ADAMTS18: variants seen among roughly 807,000 people sequenced by gnomAD.
ADAMTS18 encodes the protein A disintegrin and metalloproteinase with thrombospondin motifs 18.
Under a neutral mutation model 165.9 loss-of-function variants are expected in ADAMTS18, and 157 were observed. That is an observed-to-expected ratio of 0.95 (90% confidence interval 0.83 to 1.08). The LOEUF is 1.08. Ranked by LOEUF, ADAMTS18 falls within the 50% of genes least tolerant of loss-of-function variation. ADAMTS18 has a pLI of 0.00. For missense variants in ADAMTS18, 2,040 were observed against 1,534.0 expected (o/e 1.33, Z -5.51); for synonymous variants, 782 against 578.2 (o/e 1.35, Z -5.06).
chr16:77,293,215 A>T lies in ADAMTS18; in HGVS notation c.3050T>A (p.Leu1017His), dbSNP rs2144571513. The change falls in exon 20 of 23, where the codon CTC becomes CAC. Residue 1017 changes from leucine to histidine, a missense_variant. Transcript: ENST00000282849. ...CGRGVRKREL[L>H]CKGSAAETLP... The stretch of plus-strand genomic sequence containing the variant: ...GGTTTCTGCGGCAGAGCCCTTGCAG[A>T]GGAGTTCACGCTTCCTCACCCCTCG... The T allele has an allele frequency of 1.2e-6, 2 of 1,613,986 alleles. No individual in the cohort carries two copies. The highest frequency in any genetic ancestry group is 1.7e-6 in the Non-Finnish European group (2 of 1,179,984).
At chr16:77,293,895 C>G (rs34031278) in intron 19 of ADAMTS18, among the ~76,000 whole-genome samples, 16,283 of 151,498 alleles carry the variant, frequency 0.11, 1,214 homozygotes, top group Admixed American at 0.22. Flanking sequence ...GCTGGGCAGC[C>G]CAGTTCCTTA....
intron 16 of ADAMTS18, among the ~76,000 whole-genome samples, chr16:77,307,687 G>C (rs1023768476): frequency 2.0e-5 from 3 of 152,194 alleles, no homozygotes; most frequent in Admixed American, 1.3e-4. Context: ...TCTATCATCT[G>C]TTCTGAATTA....
chr16:77,380,291 AT>A (rs1425853772), intron 3 of ADAMTS18, among the ~76,000 whole-genome samples: 2 of 152,244 alleles, frequency 1.3e-5, no homozygotes, highest in African/African-American at 2.4e-5. Flanking sequence ...GTCTGTACGG[AT>A]GTAAATGTCA....
At chr16:77,314,679 G>A (rs1219567014) in intron 16 of ADAMTS18, among the ~76,000 whole-genome samples, 2 of 130,844 alleles carry the variant, frequency 1.5e-5, no homozygotes, top group African/African-American at 5.8e-5. Flanking sequence ...ATATACATAC[G>A]ATTGATAGAT....
chr16:77,394,144 T>G (rs2057226502), intron 3 of ADAMTS18, among the ~76,000 whole-genome samples: 1 of 152,258 alleles, frequency 6.6e-6, no homozygotes, highest in South Asian at 2.1e-4. Flanking sequence ...AAATGCATCC[T>G]TAGCAGCCAT....
At chr16:77,376,398 G>T in intron 3 of ADAMTS18, among the ~76,000 whole-genome samples, 1 of 152,270 alleles carries the variant, frequency 6.6e-6, no homozygotes, top group African/African-American at 2.4e-5. Context: ...ATTTGGGTGG[G>T]GACACAAAGC....
chr16:77,363,726 T>C, intron 6 of ADAMTS18, 76 bp downstream of exon 6: 4 of 1,372,286 alleles, frequency 2.9e-6, no homozygotes, highest in Non-Finnish European at 4.2e-6. Context: ...CATGGATTAG[T>C]GAACACAGTA....
At chr16:77,413,264 C>T (rs1276192635) in intron 3 of ADAMTS18, among the ~76,000 whole-genome samples, 1 of 152,048 alleles carries the variant, frequency 6.6e-6, no homozygotes, top group African/African-American at 2.4e-5. Flanking sequence ...CTTTTTGGGC[C>T]TAAGGAAACC....
At chr16:77,407,937 G>C (rs1346019666) in intron 3 of ADAMTS18, among the ~76,000 whole-genome samples, 2 of 151,984 alleles carry the variant, frequency 1.3e-5, no homozygotes, top group Non-Finnish European at 2.9e-5. Context: ...AATTTAAAAA[G>C]TGATTCATTA....
At chr16:77,390,296 T>A (rs1444109905) in intron 3 of ADAMTS18, among the ~76,000 whole-genome samples, 1 of 152,160 alleles carries the variant, frequency 6.6e-6, no homozygotes, top group African/African-American at 2.4e-5. Context: ...ACTGGTAATA[T>A]GTGGAGAAGA....
chr16:77,355,827 G>C, intron 9 of ADAMTS18, 113 bp downstream of exon 9: 1 of 1,283,058 alleles, frequency 7.8e-7, no homozygotes, highest in South Asian at 1.2e-5. Context: ...TTGTCTTTCT[G>C]TTTATTGACA....
Position 77,333,539 on chromosome 16 carries a change from T to C in ADAMTS18, c.1859+2217A>G, listed in dbSNP as rs2056226080. On this transcript the variant is annotated intron_variant, in intron 12 of 22. Coordinates refer to ENST00000282849, the MANE Select transcript of ADAMTS18 (RefSeq NM_199355.4). Reference sequence around the variant, plus strand: ...TGTGTTCTGTTGGTGGGAATGTAAATCAGCACGGTGGTTCCTCAAAAAACT... The same window carrying C: ...TGTGTTCTGTTGGTGGGAATGTAAACCAGCACGGTGGTTCCTCAAAAAACT... Among the ~76,000 whole-genome samples the C allele has an allele frequency of 2.7e-5, 4 of 146,198 alleles. No individual in the cohort carries two copies. In the South Asian group the frequency reaches 8.8e-4, roughly 32 times the overall value.
intron 19 of ADAMTS18, 129 bp downstream of exon 19, chr16:77,294,794 C>A: frequency 5.5e-6 from 5 of 905,470 alleles, no homozygotes; most frequent in Non-Finnish European, 8.6e-6. Context: ...TGCAGATTCC[C>A]AGGCACATGA....
intron 18 of ADAMTS18, among the ~76,000 whole-genome samples, chr16:77,296,067 G>C (rs1023137680): frequency 6.6e-6 from 1 of 151,902 alleles, no homozygotes; most frequent in Non-Finnish European, 1.5e-5. Flanking sequence ...TATAAAGATT[G>C]TGTAATACGA....
chr16:77,303,755 C>T (rs936706227), intron 16 of ADAMTS18, among the ~76,000 whole-genome samples: 11 of 152,110 alleles, frequency 7.2e-5, no homozygotes, highest in African/African-American at 2.2e-4. Flanking sequence ...GTGCTAGGGC[C>T]GGACGCGGGG....
Position 77,394,716 on chromosome 16 carries a change from T to G in ADAMTS18, c.496-26993A>C, listed in dbSNP as rs374342343. Among the ~76,000 whole-genome samples the G allele has an allele frequency of 2.0e-5, 3 of 152,308 alleles. No individual in the cohort carries two copies. The East Asian group carries it at 5.8e-4, about 29-fold the overall frequency. ...GAAAATTTCAAGAAAGTATTTAGCATAAAAAGCAGGCAATTCTTATATTTT... is the reference window on the plus strand; with the variant it reads ...GAAAATTTCAAGAAAGTATTTAGCAGAAAAAGCAGGCAATTCTTATATTTT... On this transcript the variant is annotated intron_variant, in intron 3 of 22. Transcript: ENST00000282849.
At chr16:77,367,261 T>C (rs867593529) in intron 4 of ADAMTS18, among the ~76,000 whole-genome samples, 180 bp downstream of exon 4, 17 of 152,318 alleles carry the variant, frequency 1.1e-4, no homozygotes, top group Middle Eastern at 6.8e-3. Flanking sequence ...CTTTCCTAGT[T>C]TAACCTAGAA....
At chr16:77,363,781 T>C (rs568428316) in intron 6 of ADAMTS18, 21 bp downstream of exon 6, 2 of 1,607,340 alleles carry the variant, frequency 1.2e-6, no homozygotes, top group Non-Finnish European at 1.7e-6. Context: ...AATGAAGACA[T>C]AAATGAAGTT....
intron 12 of ADAMTS18, among the ~76,000 whole-genome samples, chr16:77,327,025 T>C (rs1019646732): frequency 1.3e-5 from 2 of 152,180 alleles, no homozygotes; most frequent in African/African-American, 4.8e-5. Flanking sequence ...AAGGACATGA[T>C]CTCATTCTTT....
Sources: allele counts gnomAD v4.1 joint callset (sites outside exome capture counted in the v4.1 genomes callset), GRCh38; gene constraint gnomAD v4.1.1; transcripts MANE v1.5; gene names NCBI Gene and HGNC (gene_info 2026-07-23, HGNC 2026-07-21).